RANBP3: variants seen among roughly 807,000 people sequenced by gnomAD.
The protein encoded by RANBP3 is RAN binding protein 3.
Under a neutral mutation model 77.3 loss-of-function variants are expected in RANBP3, and 14 were observed. That is an observed-to-expected ratio of 0.18 (90% CI 0.12 to 0.28). The LOEUF (loss-of-function observed/expected upper bound fraction) is 0.28, where lower values mean the gene tolerates loss of function less well. Among genes scored for constraint, RANBP3 ranks in the 10% least tolerant of loss-of-function variants. RANBP3 has a pLI of 1.00. For missense variants in RANBP3, 586 were observed against 752.3 expected, an observed-to-expected ratio of 0.78 and a Z score of 2.59; for synonymous variants, 315 against 312.4, an observed-to-expected ratio of 1.01 and a Z score of -0.09.
chr19:5,918,121 G>A (rs1160376781), intron 15 of RANBP3, 141 bp from the exon 16 acceptor site: 11 of 971,122 alleles, frequency 1.1e-5, no homozygotes, highest in Non-Finnish European at 1.6e-5. Flanking sequence ...CCCTGGGCCT[G>A]CCGGCCTCTC....
intron 1 of RANBP3, among the ~76,000 whole-genome samples, chr19:5,962,879 C>T (rs2058421456): frequency 6.6e-6 from 1 of 152,142 alleles, no homozygotes; most frequent in Admixed American, 6.5e-5. Context: ...CTGTTCGTAG[C>T]CATTCCCTAT....
At position 5,931,403 on chromosome 19, in the gene RANBP3, C is replaced by T; in HGVS notation, c.693+1G>A. 5.0e-6 allele frequency: 8 copies of T among 1,607,770 alleles called. No individual in the cohort carries two copies. The highest frequency in any genetic ancestry group is 6.0e-6 in the Non-Finnish European group (7 of 1,175,702). Reference sequence around the variant, plus strand: ...GCTTCCCTGCCTCAGGACCCACTGACCTCAAGTGCACACACCTCATCGGCA... The same window carrying T: ...GCTTCCCTGCCTCAGGACCCACTGATCTCAAGTGCACACACCTCATCGGCA... On this transcript the variant is annotated splice_donor_variant, in intron 8 of 16. Coordinates refer to ENST00000340578, the MANE Select transcript of RANBP3 (RefSeq NM_007322.3). LOFTEE classifies it high-confidence loss of function.
At chr19:5,957,886 C>T (rs759671582) in intron 2 of RANBP3, 32 bp downstream of exon 2, 41 of 1,610,302 alleles carry the variant, frequency 2.5e-5, no homozygotes, top group African/African-American at 8.0e-5. Flanking sequence ...ATTAGAGTAA[C>T]GAAGTGAAGA....
intron 8 of RANBP3, among the ~76,000 whole-genome samples, chr19:5,930,500 T>C (rs2057974426): frequency 6.6e-6 from 1 of 152,264 alleles, no homozygotes; most frequent in Non-Finnish European, 1.5e-5. Flanking sequence ...TCAAAGGCCC[T>C]TATTTCACAG....
Position 5,952,913 on chromosome 19 carries a change from G to A in RANBP3, c.79-1317C>T, listed in dbSNP as rs542272255. Among the ~76,000 whole-genome samples the A allele has an allele frequency of 3.7e-4, 56 of 152,258 alleles. No individual in the cohort carries two copies. The Middle Eastern group carries it at 0.01, about 28-fold the overall frequency. ...GTGGTTCGTCCAGCCACCCATGTCT[G>A]TTGCTACTTGATGGTGAGAGACTTA... is the stretch of plus-strand genomic sequence containing the variant. On this transcript the variant is annotated intron_variant, in intron 2 of 16. Transcript: ENST00000340578. This position sits in a 1 kb window ranked among gnomAD's most constrained non-coding sequence, Gnocchi z 4.1.
chr19:5,936,538 G>T (rs8105367), intron 5 of RANBP3, among the ~76,000 whole-genome samples: 2,965 of 152,318 alleles, frequency 0.019, 101 homozygotes, highest in African/African-American at 0.068. Flanking sequence ...TCGCAGTACC[G>T]CACGGAGTGA....
At chr19:5,963,110 T>A (rs1475347795) in intron 1 of RANBP3, among the ~76,000 whole-genome samples, 2 of 152,230 alleles carry the variant, frequency 1.3e-5, no homozygotes, top group Admixed American at 1.3e-4. Flanking sequence ...AGGAGTCAAA[T>A]GCAGACTATT....
intron 3 of RANBP3, among the ~76,000 whole-genome samples, chr19:5,949,858 C>T (rs1264933733): frequency 1.3e-5 from 2 of 152,182 alleles, no homozygotes; most frequent in Non-Finnish European, 2.9e-5. Flanking sequence ...CACAGAACAG[C>T]GCGTGTGCTC....
chr19:5,974,333 A>C (rs2058563985), intron 1 of RANBP3: 1 of 152,190 alleles, frequency 6.6e-6, no homozygotes, highest in African/African-American at 2.4e-5. Context: ...CCTGGAGTTC[A>C]AATGTGCTTT....
rs1001446571 is a variant in RANBP3 at position 5,916,838 on chromosome 19, C to T, written c.*772G>A. 6.6e-6 allele frequency: 1 copy of T among 152,232 alleles called. No homozygotes were observed. Among genetic ancestry groups the T allele is most frequent in the African/African-American group, 2.4e-5 (1 of 41,424 alleles). 9.4% of individuals were successfully genotyped at this position (152,232 alleles called of 1,614,324 possible). A position where few individuals can be genotyped will look rare whatever the true frequency, so the allele number is the denominator to read the frequency against. On this transcript the variant is annotated 3_prime_UTR_variant, in exon 17 of 17. Coordinates refer to ENST00000340578, the MANE Select transcript of RANBP3 (RefSeq NM_007322.3). ...CTCCAGGCCTAGGACAGACAGGGCC[C>T]CAACTCCTCATCACCCCATGACTTG...
intron 1 of RANBP3, among the ~76,000 whole-genome samples, chr19:5,974,676 G>C (rs141637389): frequency 6.6e-6 from 1 of 151,996 alleles, no homozygotes; most frequent in East Asian, 1.9e-4. Context: ...ACATTTCCTC[G>C]TATACAAGCA....
chr19:5,937,119 A>AACATCACTCTAAAG (rs1282875767), intron 5 of RANBP3, among the ~76,000 whole-genome samples: 1 of 148,920 alleles, frequency 6.7e-6, no homozygotes, highest in Non-Finnish European at 1.5e-5. Context: ...GTCAGCGGGA[A>AACATCACTCTAAAG]ACATCACTCT....
At chr19:5,925,260 C>T in intron 10 of RANBP3, 1 of 470,930 alleles carries the variant, frequency 2.1e-6, no homozygotes. Flanking sequence ...ATGATGAGGT[C>T]TTTGCCCCAG....
Position 5,917,723 on chromosome 19 carries a change from A to T in RANBP3, c.1661-70T>A, listed in dbSNP as rs10407369. 3.9e-3 allele frequency: 6,267 copies of T among 1,587,148 alleles called. 199 individuals carry two copies. The African/African-American group carries it at 0.067, about 17-fold the overall frequency. ...CCCAGGTCTGGCCACCCCCGCCAGG[A>T]GATCAGCACTGGATCAAGGATGGCG... On this transcript the variant is annotated intron_variant, in intron 16 of 16. Transcript: ENST00000340578.
At position 5,931,713 on chromosome 19, in the gene RANBP3, T is replaced by TA. The variant is rs200747334; in HGVS notation, c.566-183dup. ...TACAAAGAGCCAAAATTCTTGGATT[T>TA]AAAAAAAAACAAGAGAAACAAACAA... On this transcript the variant is annotated intron_variant, in intron 7 of 16. Transcript: ENST00000340578. Among the ~76,000 whole-genome samples, 20 of 150,970 alleles carry TA rather than the reference T, an allele frequency of 1.3e-4. 1 individual carries two copies. The highest frequency in any genetic ancestry group is 8.4e-4 in the South Asian group (4 of 4,774).
In RANBP3 at chr19:5,964,508, C is replaced by T. The variant is rs551517046; in HGVS notation, c.23-6535G>A. Reference sequence around the variant, plus strand: ...CTGCGTCGGCCTCTGGAGACACGTCCCTGTCTGTCTAGAGCACCCATCACA... The same window carrying T: ...CTGCGTCGGCCTCTGGAGACACGTCTCTGTCTGTCTAGAGCACCCATCACA... On this transcript the variant is annotated intron_variant, in intron 1 of 16. Transcript: ENST00000340578. Among the ~76,000 whole-genome samples the T allele has an allele frequency of 1.2e-4, 19 of 152,282 alleles. No homozygotes were observed. In the South Asian group the frequency reaches 2.9e-3, roughly 23 times the overall value.
chr19:5,955,606 A>G (rs1490014609), intron 2 of RANBP3, among the ~76,000 whole-genome samples: 1 of 152,262 alleles, frequency 6.6e-6, no homozygotes, highest in Non-Finnish European at 1.5e-5. Context: ...CTGAGCAAAT[A>G]TTACACATTA....
intron 5 of RANBP3, 70 bp downstream of exon 5, chr19:5,941,551 C>T (rs548275724): frequency 1.9e-5 from 25 of 1,340,470 alleles, no homozygotes; most frequent in South Asian, 5.1e-5. Context: ...GACGGATGCG[C>T]GGCACTGAGG....
rs1437060765 is a variant in RANBP3, at chr19:5,978,110, C to T, written c.-28G>A. 6.2e-7 allele frequency: 1 copy of T among 1,602,810 alleles called. No homozygotes were observed. The highest frequency in any genetic ancestry group is 8.5e-7 in the Non-Finnish European group (1 of 1,175,424). ...TACTTCCTTAAGCCCTCCCACAAGG[C>T]CCCGCGCCGGCCCAGGCTCGCCTGC... On this transcript the variant is annotated 5_prime_UTR_variant, in exon 1 of 17. Transcript: ENST00000340578.
Sources: allele counts gnomAD v4.1 joint callset (sites outside exome capture counted in the v4.1 genomes callset), GRCh38; gene constraint gnomAD v4.1.1; non-coding constraint Gnocchi (gnomAD v3.1); transcripts MANE v1.5; gene names NCBI Gene and HGNC (gene_info 2026-07-23, HGNC 2026-07-21).